RUVBL1: variants seen among roughly 807,000 people sequenced by gnomAD.
The protein encoded by RUVBL1 is RuvB like AAA ATPase 1.
RUVBL1 carries 4 observed loss-of-function variants against 52.4 expected under a neutral mutation model. That is an observed-to-expected ratio of 0.08 (90% CI 0.04 to 0.17). The LOEUF (loss-of-function observed/expected upper bound fraction) is 0.17. RUVBL1 is among the 10% of genes least tolerant of loss of function. The probability of loss-of-function intolerance (pLI) is 1.00; values close to 1 mark genes in which losing one functional copy is unlikely to be tolerated. For synonymous variants in RUVBL1, 217 were observed against 214.4 expected, an observed-to-expected ratio of 1.01 and a Z score of -0.10; for missense variants, 298 against 572.8, an observed-to-expected ratio of 0.52 and a Z score of 4.90.
At chr3:128,153,311 C>T in exon 1 of RUVBL1, 3 of 1,367,008 alleles carry the variant, frequency 2.2e-6, no homozygotes, top group African/African-American at 1.5e-5. Context: ...CTACGGTGAC[C>T]TCCAGTTCCT....
At chr3:128,103,886 T>C (rs941779847) in intron 4 of RUVBL1, among the ~76,000 whole-genome samples, 1 of 152,182 alleles carries the variant, frequency 6.6e-6, no homozygotes, top group African/African-American at 2.4e-5. Context: ...GCTATAATGA[T>C]AATATTTATT....
chr3:128,100,566 G>A, intron 6 of RUVBL1, 29 bp downstream of exon 6: 1 of 1,568,774 alleles, frequency 6.4e-7, no homozygotes, highest in Non-Finnish European at 8.6e-7. Flanking sequence ...GGGCTAATGT[G>A]CCAGATCACC....
chr3:128,098,777 G>A, intron 7 of RUVBL1, 105 bp downstream of exon 7: 2 of 943,800 alleles, frequency 2.1e-6, no homozygotes, highest in Non-Finnish European at 3.4e-6. Context: ...GAACTGTTCT[G>A]AGGCATTTCC....
At chr3:128,150,545 T>C (rs1014079137) in intron 1 of RUVBL1, among the ~76,000 whole-genome samples, 2 of 145,878 alleles carry the variant, frequency 1.4e-5, no homozygotes, top group Non-Finnish European at 3.0e-5. Flanking sequence ...TATATGTATG[T>C]TCCATATGTA....
At chr3:128,110,114 G>A (rs1943348529) in intron 3 of RUVBL1, among the ~76,000 whole-genome samples, 1 of 152,036 alleles carries the variant, frequency 6.6e-6, no homozygotes, top group African/African-American at 2.4e-5. Flanking sequence ...ACCGCACTCG[G>A]CCTACATACA....
intron 1 of RUVBL1, among the ~76,000 whole-genome samples, chr3:128,135,453 A>G (rs540057629): frequency 1.3e-5 from 2 of 152,340 alleles, no homozygotes; most frequent in African/African-American, 2.4e-5. Context: ...GAATCGCTTG[A>G]ACCCAGGAGG....
downstream of RUVBL1, among the ~76,000 whole-genome samples, chr3:128,076,257 G>A (rs561796859): frequency 6.6e-6 from 1 of 152,220 alleles, no homozygotes. This position sits in a 1 kb window ranked among gnomAD's most constrained non-coding sequence, Gnocchi z 6.8. Flanking sequence ...CTCCTCACCC[G>A]GTGGGGAGCG....
chr3:128,143,468 G>A (rs556521531), intron 1 of RUVBL1, among the ~76,000 whole-genome samples: 30 of 152,250 alleles, frequency 2.0e-4, no homozygotes, highest in African/African-American at 4.8e-4. Flanking sequence ...ACAGTGCCCC[G>A]CCAAGACCCT....
intron 8 of RUVBL1, among the ~76,000 whole-genome samples, chr3:128,089,456 A>G (rs192513672): frequency 4.6e-5 from 7 of 152,378 alleles, no homozygotes; most frequent in Admixed American, 6.5e-5. Context: ...TAAGTAATCA[A>G]TATAACAAAG....
intron 7 of RUVBL1, among the ~76,000 whole-genome samples, chr3:128,098,616 A>G (rs1943038278): frequency 6.6e-6 from 1 of 152,196 alleles, no homozygotes; most frequent in Non-Finnish European, 1.5e-5. Context: ...GCTCCAGCAG[A>G]GCTGGGCGAC....
rs1008239419 is a variant in RUVBL1 at position 128,145,091 on chromosome 3, T to G, written c.-40+8112A>C. 4.6e-5 allele frequency among the ~76,000 whole-genome samples: 7 copies of G among 152,322 alleles called. No individual in the cohort carries two copies. In the South Asian group the frequency reaches 1.2e-3, roughly 27 times the overall value. ...GTCTTCATGTTGTCATCTGAGCCCC[T>G]GGATGAAGCAAGCTCTTCCCCCAGA... On this transcript the variant is annotated intron_variant, in intron 1 of 9. Transcript: ENST00000464873.
intron 1 of RUVBL1, among the ~76,000 whole-genome samples, chr3:128,151,014 T>G (rs1576495919): frequency 1.0e-5 from 1 of 95,330 alleles, no homozygotes; most frequent in South Asian, 2.6e-4. Flanking sequence ...ATATTATATA[T>G]TATATATATA....
chr3:128,134,944 A>C (rs1355815028), intron 1 of RUVBL1, among the ~76,000 whole-genome samples: 2 of 152,224 alleles, frequency 1.3e-5, no homozygotes, highest in African/African-American at 4.8e-5. Flanking sequence ...AAGTAGAAAG[A>C]AAGATCAGGG....
intron 1 of RUVBL1, among the ~76,000 whole-genome samples, chr3:128,150,674 C>CTA (rs916568186): frequency 6.6e-5 from 8 of 120,952 alleles, no homozygotes; most frequent in Non-Finnish European, 8.1e-5. Flanking sequence ...TACATATATT[C>CTA]TATATATATT....
chr3:128,127,599 G>A (rs1943810731), upstream of RUVBL1, among the ~76,000 whole-genome samples: 1 of 152,158 alleles, frequency 6.6e-6, no homozygotes, highest in African/African-American at 2.4e-5. Context: ...ACTGCCTCCT[G>A]AGGGCTACTG....
At chr3:128,073,465 C>T (rs559335772) in intron 9 of RUVBL1, among the ~76,000 whole-genome samples, 19 of 152,298 alleles carry the variant, frequency 1.2e-4, no homozygotes, top group South Asian at 4.1e-4. Flanking sequence ...GGAAGAGCAA[C>T]GGATTCCTGA....
At chr3:128,076,640 C>T (rs930608232), downstream of RUVBL1, among the ~76,000 whole-genome samples, 4 of 152,086 alleles carry the variant, frequency 2.6e-5, no homozygotes, top group African/African-American at 9.7e-5. This position sits in a 1 kb window ranked among gnomAD's most constrained non-coding sequence, Gnocchi z 6.8. Flanking sequence ...CTCCTCCCCC[C>T]ACCCCTCAGG....
At chr3:128,125,716 G>C (rs182919982), upstream of RUVBL1, among the ~76,000 whole-genome samples, 6 of 152,318 alleles carry the variant, frequency 3.9e-5, no homozygotes, top group African/African-American at 1.4e-4. Context: ...GCCAGGCCTT[G>C]GAAGGCTGAG....
intron 3 of RUVBL1, among the ~76,000 whole-genome samples, chr3:128,109,835 T>TTTG (rs1943336727): frequency 1.4e-5 from 2 of 145,386 alleles, no homozygotes; most frequent in Non-Finnish European, 3.0e-5. Context: ...TTTTTTTTTT[T>TTTG]GAGACAGAGT....
Sources: gnomAD v4.1 joint callset for allele counts (sites outside exome capture counted in the v4.1 genomes callset) on GRCh38, gnomAD v4.1.1 for gene constraint, Gnocchi (gnomAD v3.1) non-coding constraint, MANE v1.5 for transcripts, NCBI Gene and HGNC (gene_info 2026-07-23, HGNC 2026-07-21) for gene names.